The following MAST4 variants were observed in gnomAD, a reference collection of about 807,000 sequenced individuals.
MAST4 encodes microtubule-associated serine/threonine-protein kinase 4.
A neutral mutation model predicts 162.7 loss-of-function variants in MAST4; 89 were observed. The ratio of observed to expected loss-of-function variants is 0.55; its 90% CI spans 0.46 to 0.65. The LOEUF is 0.65. Among genes scored for constraint, MAST4 ranks in the 30% least tolerant of loss-of-function variants. The pLI is 0.00. For synonymous variants in MAST4, 1,479 were observed against 1,361.1 expected (o/e 1.09, Z -1.91); for missense variants, 3,153 against 3,374.0 (o/e 0.93, Z 1.62).
intron 4 of MAST4, among the ~76,000 whole-genome samples, chr5:66,932,686 C>T (rs1188492047): frequency 6.6e-6 from 1 of 152,158 alleles, no homozygotes; most frequent in Non-Finnish European, 1.5e-5. Flanking sequence ...ATGCGTGGGT[C>T]ATGGGTTGAT....
chr5:66,777,569 A>G (rs1403320001), intron 2 of MAST4, among the ~76,000 whole-genome samples: 1 of 152,168 alleles, frequency 6.6e-6, no homozygotes, highest in East Asian at 1.9e-4. Flanking sequence ...TGAAATCAAC[A>G]GTTTGATTTT....
At chr5:66,914,150 G>C (rs1023624313) in intron 4 of MAST4, among the ~76,000 whole-genome samples, 1 of 151,808 alleles carries the variant, frequency 6.6e-6, no homozygotes, top group Non-Finnish European at 1.5e-5. Context: ...AAAAAAAAAA[G>C]CCTGTTGATA....
At chr5:66,692,416 T>C (rs1042107318) in intron 1 of MAST4, among the ~76,000 whole-genome samples, 2 of 151,446 alleles carry the variant, frequency 1.3e-5, no homozygotes, top group African/African-American at 4.8e-5. Flanking sequence ...GCTCTCTTTT[T>C]TTTTTTTTTA....
At chr5:66,938,624 G>A (rs1317340879) in intron 4 of MAST4, among the ~76,000 whole-genome samples, 2 of 152,152 alleles carry the variant, frequency 1.3e-5, no homozygotes, top group African/African-American at 2.4e-5. Flanking sequence ...TACCTGAACC[G>A]TAACCAGCCT....
chr5:66,756,059 A>G lies in MAST4; in HGVS notation c.364-3650A>G, dbSNP rs557249760. Among the ~76,000 whole-genome samples, 126 of 152,326 alleles carry G rather than the reference A, an allele frequency of 8.3e-4. No homozygotes were observed. In the Middle Eastern group the frequency reaches 0.024, roughly 29 times the overall value. ...TCTGCCTCACACTTCCCTTGGTTAT[A>G]TACCTTTTATCCCTTAAGATGCTAA... On this transcript the variant is annotated intron_variant, in intron 1 of 28. Coordinates refer to ENST00000403625, the MANE Select transcript of MAST4 (RefSeq NM_001164664.2).
At chr5:66,894,165 CCAAAGG>C (rs1268526269) in intron 3 of MAST4, among the ~76,000 whole-genome samples, 1 of 152,200 alleles carries the variant, frequency 6.6e-6, no homozygotes, top group East Asian at 1.9e-4. Flanking sequence ...GGAAAACAAT[CCAAAGG>C]CAAATGGTTT....
intron 1 of MAST4, among the ~76,000 whole-genome samples, chr5:66,719,536 TTTC>T (rs1231461499): frequency 6.6e-6 from 1 of 152,168 alleles, no homozygotes; most frequent in Non-Finnish European, 1.5e-5. Context: ...CAGATTTGCT[TTTC>T]TTTTTCTTTT....
intron 3 of MAST4, among the ~76,000 whole-genome samples, chr5:66,813,188 C>G (rs190543940): frequency 5.3e-5 from 8 of 152,154 alleles, no homozygotes; most frequent in Admixed American, 1.3e-4. Flanking sequence ...TTGTGGGGAG[C>G]TTTTCATCTC....
chr5:66,859,124 T>G (rs1175887422), intron 3 of MAST4, among the ~76,000 whole-genome samples: 1 of 152,188 alleles, frequency 6.6e-6, no homozygotes, highest in Non-Finnish European at 1.5e-5. Context: ...AGTTATTTGC[T>G]TCTTAATTTT....
chr5:66,709,743 C>G (rs1344069849), intron 1 of MAST4, among the ~76,000 whole-genome samples: 1 of 152,112 alleles, frequency 6.6e-6, no homozygotes, highest in Non-Finnish European at 1.5e-5. Flanking sequence ...TTATTTTGGT[C>G]AAATATTATA....
chr5:67,164,901 A>C lies in MAST4; in HGVS notation c.5722A>C (p.Arg1908=), dbSNP rs763093126. ...CAGGAAAGGTCCCCATCCTACTGCC[A>C]GGAGCCCTGGAACAGTCATGGAAAG... The part of the protein sequence containing the change: ...RDRKGPHPTA[R]SPGTVMESNP... Residue 1908 remains arginine (R), a synonymous_variant, in exon 29 of 29, where the codon AGG becomes CGG. Coordinates refer to ENST00000403625, the MANE Select transcript of MAST4 (RefSeq NM_001164664.2). The surrounding 1 kb of genome is among the most constrained non-coding windows in gnomAD (Gnocchi z 5.3). 5.6e-6 allele frequency: 9 copies of C among 1,613,902 alleles called. No individual in the cohort carries two copies. The highest frequency in any genetic ancestry group is 1.3e-5 in the African/African-American group (1 of 74,930).
At chr5:66,693,765 G>T (rs67010753) in intron 1 of MAST4, among the ~76,000 whole-genome samples, 71,263 of 150,298 alleles carry the variant, frequency 0.47, 17,816 homozygotes, top group African/African-American at 0.61. Flanking sequence ...GAATTTTTAA[G>T]CTAGATGGGG....
chr5:66,664,934 G>A (rs1747152870), intron 1 of MAST4, among the ~76,000 whole-genome samples: 1 of 152,198 alleles, frequency 6.6e-6, no homozygotes, highest in Non-Finnish European at 1.5e-5. Context: ...TGGAAGGCAA[G>A]TCAGATGGAC....
chr5:67,036,077 C>T (rs184295568), intron 4 of MAST4, among the ~76,000 whole-genome samples: 53 of 152,116 alleles, frequency 3.5e-4, no homozygotes, highest in African/African-American at 1.2e-3. Flanking sequence ...GGGACCAAAA[C>T]GCATTAAATA....
chr5:66,966,623 G>A (rs1433241467), intron 4 of MAST4, among the ~76,000 whole-genome samples: 1 of 152,142 alleles, frequency 6.6e-6, no homozygotes, highest in African/African-American at 2.4e-5. Flanking sequence ...AGACCTGAAG[G>A]TGGCACACAT....
At chr5:67,032,161 A>G (rs1380379294) in intron 4 of MAST4, among the ~76,000 whole-genome samples, 1 of 152,138 alleles carries the variant, frequency 6.6e-6, no homozygotes, top group Non-Finnish European at 1.5e-5. Flanking sequence ...TCCATTTTAG[A>G]TTAAGCCTCT....
intron 23 of MAST4, among the ~76,000 whole-genome samples, chr5:67,148,508 C>A (rs1172780523): frequency 6.6e-6 from 1 of 152,096 alleles, no homozygotes; most frequent in Non-Finnish European, 1.5e-5. Flanking sequence ...CATTTCTGCA[C>A]CCCCCTCCAT....
chr5:67,026,245 C>T (rs1285987561), intron 4 of MAST4, among the ~76,000 whole-genome samples: 2 of 152,162 alleles, frequency 1.3e-5, no homozygotes. Flanking sequence ...ATACCTACCA[C>T]CTTCGATGCT....
intron 4 of MAST4, among the ~76,000 whole-genome samples, chr5:66,957,200 G>C (rs893549199): frequency 1.3e-5 from 2 of 152,060 alleles, no homozygotes; most frequent in African/African-American, 4.8e-5. Flanking sequence ...TGTGGATTTC[G>C]CTTTATTTTT....
Sources: gnomAD v4.1 joint callset for allele counts (sites outside exome capture counted in the v4.1 genomes callset) on GRCh38, gnomAD v4.1.1 for gene constraint, Gnocchi (gnomAD v3.1) non-coding constraint, MANE v1.5 for transcripts, NCBI Gene and HGNC (gene_info 2026-07-23, HGNC 2026-07-21) for gene names.